C14orf180: variants seen among roughly 807,000 people sequenced by gnomAD.
C14orf180 encodes the protein chromosome 14 open reading frame 180, also known as nutritionally-regulated adipose and cardiac enriched protein homolog.
A neutral mutation model predicts 13.9 loss-of-function variants in C14orf180; 13 were observed. The ratio of observed to expected loss-of-function variants is 0.94; its 90% confidence interval spans 0.61 to 1.49. The LOEUF is 1.49. C14orf180 is among the 40% of genes most tolerant of loss of function. C14orf180 has a pLI of 0.00. For missense variants in C14orf180, 238 were observed against 232.0 expected (o/e 1.03, Z -0.17); for synonymous variants, 113 against 106.3 (o/e 1.06, Z -0.39).
At chr14:104,584,452 G>A (rs943234264) in intron 1 of C14orf180, among the ~76,000 whole-genome samples, 43 of 152,322 alleles carry the variant, frequency 2.8e-4, no homozygotes, top group Middle Eastern at 3.4e-3. Context: ...TGGAAACTGA[G>A]TCAATGGCAT....
At chr14:104,581,538 C>G (rs1476864169) in intron 1 of C14orf180, 1 of 152,260 alleles carries the variant, frequency 6.6e-6, no homozygotes, top group Admixed American at 6.5e-5. Flanking sequence ...GGTTCACACC[C>G]TGCGACAGCG....
chr14:104,586,536 G>C lies in C14orf180; in HGVS notation c.106G>C (p.Glu36Gln). ...AAWGPRVCRAEREDNRKCPPS... is the reference protein window; with the variant it reads ...AAWGPRVCRAQREDNRKCPPS... ...GTGGGGCCCGCGGGTGTGCAGGGCA[G>C]AGAGGGTAAGGCGGGCCGCTGGGAC... is the stretch of plus-strand genomic sequence containing the variant. Residue 36 changes from glutamate (E) to glutamine (Q), a missense_variant, in exon 2 of 5, where the codon GAG becomes CAG. Transcript: ENST00000557649. 1.3e-6 allele frequency: 2 copies of C among 1,536,546 alleles called. No individual in the cohort carries two copies. The highest frequency in any genetic ancestry group is 1.8e-6 in the Non-Finnish European group (2 of 1,140,300).
At chr14:104,587,226 G>A (rs574576581) in intron 2 of C14orf180, among the ~76,000 whole-genome samples, 99 of 152,306 alleles carry the variant, frequency 6.5e-4, no homozygotes, top group African/African-American at 2.3e-3. Flanking sequence ...GAGCAGACCA[G>A]CAGAGAAAGG....
rs1365922221 is a variant in C14orf180, at chr14:104,588,615, C to T, written c.315C>T (p.Leu105=). Residue 105 remains leucine (L), a synonymous_variant, in exon 5 of 5, where the codon CTC becomes CTT. Coordinates refer to ENST00000557649, the MANE Select transcript of C14orf180 (RefSeq NM_001008404.3). The part of the protein sequence containing the change: ...GRPRPHGGSL[L]LQLCVCVLLV... ...CCAGGCCACACGGCGGCTCCCTGCT[C>T]CTGCAGCTGTGTGTGTGCGTCCTGC... 1 of 1,488,256 alleles carries T rather than the reference C, an allele frequency of 6.7e-7. No individual in the cohort carries two copies. Among genetic ancestry groups the T allele is most frequent in the East Asian group, 2.5e-5 (1 of 40,140 alleles). 92.2% of individuals were successfully genotyped at this position (1,488,256 alleles called of 1,614,324 possible). A position where few individuals can be genotyped will look rare whatever the true frequency, so the allele number is the denominator to read the frequency against.
intron 2 of C14orf180, among the ~76,000 whole-genome samples, chr14:104,587,052 G>A (rs1886653942): frequency 6.6e-6 from 1 of 152,198 alleles, no homozygotes; most frequent in Admixed American, 6.5e-5. Context: ...GCAGCAGGCT[G>A]TGTACAGCGA....
intron 1 of C14orf180, among the ~76,000 whole-genome samples, chr14:104,584,925 G>A (rs1013698870): frequency 1.3e-5 from 2 of 152,166 alleles, no homozygotes; most frequent in Non-Finnish European, 2.9e-5. Context: ...TGTAGAGGAC[G>A]GCACACGGCT....
At chr14:104,582,032 G>A (rs1160591068) in intron 1 of C14orf180, among the ~76,000 whole-genome samples, 2 of 147,020 alleles carry the variant, frequency 1.4e-5, no homozygotes, top group East Asian at 3.8e-4. Flanking sequence ...CCTCCCATGT[G>A]GGGTGGGTGG....
chr14:104,584,328 C>T (rs1268934276), intron 1 of C14orf180, among the ~76,000 whole-genome samples: 1 of 152,204 alleles, frequency 6.6e-6, no homozygotes, highest in Non-Finnish European at 1.5e-5. Flanking sequence ...GCACAAGCCT[C>T]CTTCCGCCGG....
chr14:104,589,637 T>C lies in C14orf180; in HGVS notation c.*854T>C, dbSNP rs954629825. ...AAACACCAGGGGCCTCTCCAGACCC[T>C]ACGTGGGGGGAGGGCTGAACAAAGC... is the stretch of plus-strand genomic sequence containing the variant. On this transcript the variant is annotated 3_prime_UTR_variant, in exon 5 of 5. Coordinates refer to ENST00000557649, the MANE Select transcript of C14orf180 (RefSeq NM_001008404.3). This position sits in a 1 kb window ranked among gnomAD's most constrained non-coding sequence, Gnocchi z 4.9. 5 of 152,546 alleles carry C rather than the reference T, an allele frequency of 3.3e-5. No homozygotes were observed. The highest frequency in any genetic ancestry group is 1.2e-4 in the African/African-American group (5 of 41,388). 9.4% of individuals were successfully genotyped at this position (152,546 alleles called of 1,614,324 possible).
chr14:104,585,992 G>A (rs2140462927), intron 1 of C14orf180, among the ~76,000 whole-genome samples: 1 of 152,244 alleles, frequency 6.6e-6, no homozygotes. Context: ...CCAGCCCCAG[G>A]GCTTCCCGCT....
intron 1 of C14orf180, among the ~76,000 whole-genome samples, chr14:104,580,781 G>A (rs904340537): frequency 7.2e-5 from 11 of 152,254 alleles, no homozygotes; most frequent in African/African-American, 2.7e-4. Flanking sequence ...CAGTGCCCTG[G>A]ACAGTTGGCA....
intron 1 of C14orf180, 138 bp from the exon 2 acceptor site, chr14:104,586,277 T>C (rs1886612793): frequency 3.8e-6 from 2 of 521,796 alleles, no homozygotes; most frequent in Admixed American, 4.0e-5. Context: ...AAAAGTGGTG[T>C]CTGCTCAACA....
chr14:104,580,178 C>G (rs1413004130), intron 1 of C14orf180, among the ~76,000 whole-genome samples, 175 bp downstream of exon 1: 2 of 152,134 alleles, frequency 1.3e-5, no homozygotes, highest in East Asian at 1.9e-4. Context: ...AGGTGGGGAA[C>G]CTGCCCCAGC....
chr14:104,586,295 C>T (rs182350297), intron 1 of C14orf180, 120 bp from the exon 2 acceptor site: 20 of 598,802 alleles, frequency 3.3e-5, no homozygotes, highest in East Asian at 1.6e-4. Context: ...ACAGCGTGGC[C>T]GGTCGCAAGC....
At chr14:104,586,635 C>A in intron 2 of C14orf180, 94 bp downstream of exon 2, 1 of 659,696 alleles carries the variant, frequency 1.5e-6, no homozygotes, top group South Asian at 3.1e-5. Flanking sequence ...AGGCCATCCT[C>A]CACCCCAGGA....
At chr14:104,582,880 C>A (rs1886485161) in intron 1 of C14orf180, among the ~76,000 whole-genome samples, 2 of 152,338 alleles carry the variant, frequency 1.3e-5, no homozygotes, top group South Asian at 4.1e-4. Context: ...ACTGTCCCTG[C>A]CAGAGGCCCC....
chr14:104,582,528 C>T (rs1425650602), intron 1 of C14orf180, among the ~76,000 whole-genome samples: 1 of 152,178 alleles, frequency 6.6e-6, no homozygotes, highest in Non-Finnish European at 1.5e-5. Context: ...ACCAGCAGTA[C>T]GGGCTGGTCA....
At chr14:104,583,463 C>T (rs906455614) in intron 1 of C14orf180, among the ~76,000 whole-genome samples, 2 of 152,204 alleles carry the variant, frequency 1.3e-5, no homozygotes, top group East Asian at 1.9e-4. Context: ...GACTCCCACC[C>T]TCACGCGAGC....
intron 1 of C14orf180, among the ~76,000 whole-genome samples, chr14:104,582,901 G>A (rs957950559): frequency 6.6e-5 from 10 of 151,864 alleles, no homozygotes; most frequent in South Asian, 2.1e-4. Flanking sequence ...AGGCCTCCCC[G>A]CCCCCACCTG....
Sources: gnomAD v4.1 joint callset for allele counts (sites outside exome capture counted in the v4.1 genomes callset) on GRCh38, gnomAD v4.1.1 for gene constraint, Gnocchi (gnomAD v3.1) non-coding constraint, MANE v1.5 for transcripts, NCBI Gene and HGNC (gene_info 2026-07-23, HGNC 2026-07-21) for gene names.